The following CFAP210 variants were observed in gnomAD, a reference collection of about 807,000 sequenced individuals.
The protein encoded by CFAP210 is cilia- and flagella- associated protein 210.
At chr2:169,662,516 C>T in the CFAP210 span, 3 of 1,238,502 alleles carry the variant, frequency 2.4e-6, no homozygotes, top group Non-Finnish European at 3.3e-6. Flanking sequence ...CAATTCCAAC[C>T]TGGAATGAGT....
the CFAP210 span, chr2:169,662,574 GA>G: frequency 2.7e-6 from 2 of 730,076 alleles, no homozygotes; most frequent in Non-Finnish European, 4.3e-6. Flanking sequence ...GAAAAGAACA[GA>G]CATTAAATAG....
chr2:169,677,141 A>ATCAGAGG, the CFAP210 span, among the ~76,000 whole-genome samples: 1 of 152,186 alleles, frequency 6.6e-6, no homozygotes, highest in Non-Finnish European at 1.5e-5. Flanking sequence ...AGACAGACAA[A>ATCAGAGG]TCAGAGGCAA....
chr2:169,690,317 T>A, the CFAP210 span, among the ~76,000 whole-genome samples: 3 of 152,360 alleles, frequency 2.0e-5, no homozygotes, highest in Middle Eastern at 3.4e-3. Context: ...TCTTATTTTT[T>A]AAAAAGTTTT....
chr2:169,674,826 T>A, the CFAP210 span: 2 of 1,496,066 alleles, frequency 1.3e-6, no homozygotes, highest in South Asian at 1.4e-5. Context: ...TGTACAGATA[T>A]GTTAAAGATA....
the CFAP210 span, among the ~76,000 whole-genome samples, chr2:169,683,007 G>C: frequency 6.6e-6 from 1 of 152,096 alleles, no homozygotes; most frequent in African/African-American, 2.4e-5. Flanking sequence ...CAAGTAGAGA[G>C]AAAGGCAGAA....
chr2:169,678,438 T>A, the CFAP210 span, among the ~76,000 whole-genome samples: 61,898 of 151,504 alleles, frequency 0.41, 12,911 homozygotes, highest in Non-Finnish European at 0.44. Context: ...AATATTGTCA[T>A]AATGTAACTA....
chr2:169,669,781 A>G, the CFAP210 span, among the ~76,000 whole-genome samples: 1 of 123,452 alleles, frequency 8.1e-6, no homozygotes, highest in Non-Finnish European at 2.0e-5. Context: ...TCTTAAAAAA[A>G]AAAAAAAAAA....
At chr2:169,651,097 G>A in the CFAP210 span, among the ~76,000 whole-genome samples, 1 of 151,540 alleles carries the variant, frequency 6.6e-6, no homozygotes, top group Non-Finnish European at 1.5e-5. Flanking sequence ...CGTGGTGGCA[G>A]GCGCCTGTAA....
At chr2:169,664,774 T>C in the CFAP210 span, among the ~76,000 whole-genome samples, 4 of 152,256 alleles carry the variant, frequency 2.6e-5, no homozygotes, top group South Asian at 6.2e-4. Flanking sequence ...GCAATCAGAG[T>C]TGAATATGTC....
the CFAP210 span, among the ~76,000 whole-genome samples, chr2:169,666,010 A>G: frequency 1.3e-5 from 2 of 152,130 alleles, no homozygotes; most frequent in African/African-American, 4.8e-5. Flanking sequence ...GATGATAGGC[A>G]TGAGCCACCA....
the CFAP210 span, among the ~76,000 whole-genome samples, chr2:169,649,643 T>C: frequency 6.6e-6 from 1 of 152,106 alleles, no homozygotes; most frequent in East Asian, 1.9e-4. Flanking sequence ...AATTAATTGC[T>C]CCAGCCATAC....
the CFAP210 span, among the ~76,000 whole-genome samples, chr2:169,688,565 C>G: frequency 0.034 from 5,196 of 152,264 alleles, 288 homozygotes; most frequent in African/African-American, 0.12. Context: ...TACCCTAAAT[C>G]ATCTTTCTCA....
the CFAP210 span, chr2:169,674,542 GA>G: frequency 1.3e-6 from 2 of 1,488,488 alleles, no homozygotes; most frequent in Non-Finnish European, 1.8e-6. Flanking sequence ...GAGAAAACGA[GA>G]AAGGTACAAA....
the CFAP210 span, among the ~76,000 whole-genome samples, chr2:169,647,742 C>T: frequency 1.3e-5 from 2 of 152,258 alleles, no homozygotes; most frequent in East Asian, 3.9e-4. Context: ...AAGATACTAT[C>T]AATGGAGTAA....
chr2:169,668,914 G>T, the CFAP210 span, among the ~76,000 whole-genome samples: 1 of 152,122 alleles, frequency 6.6e-6, no homozygotes. Flanking sequence ...TTGAACAAAT[G>T]GTGCTGATAA....
chr2:169,661,088 T>A, the CFAP210 span: 2 of 547,712 alleles, frequency 3.7e-6, no homozygotes, highest in East Asian at 9.8e-5. Context: ...GGCGTACTTG[T>A]CAAGGCTCCC....
At chr2:169,665,446 A>G in the CFAP210 span, among the ~76,000 whole-genome samples, 3 of 151,474 alleles carry the variant, frequency 2.0e-5, no homozygotes, top group East Asian at 5.8e-4. Context: ...AACTACAGGC[A>G]TGCATCACCA....
At chr2:169,654,195 T>C in the CFAP210 span, 1 of 1,587,276 alleles carries the variant, frequency 6.3e-7, no homozygotes, top group Non-Finnish European at 8.6e-7. Flanking sequence ...TTTGATAATA[T>C]GTTTATCCTG....
At chr2:169,648,884 A>G in the CFAP210 span, among the ~76,000 whole-genome samples, 5 of 152,238 alleles carry the variant, frequency 3.3e-5, no homozygotes, top group Non-Finnish European at 5.9e-5. Flanking sequence ...GAGATATGGG[A>G]AAAAAGTAAA....
Sources: allele counts gnomAD v4.1 joint callset (sites outside exome capture counted in the v4.1 genomes callset), GRCh38; gene constraint gnomAD v4.1.1; transcripts MANE v1.5; gene names NCBI Gene and HGNC (gene_info 2026-07-23, HGNC 2026-07-21).